Variants in KCNQ5 observed in about 807,000 individuals in gnomAD.
KCNQ5 encodes potassium voltage-gated channel subfamily Q member 5.
KCNQ5 carries 30 observed loss-of-function variants against 98.2 expected under a neutral mutation model. That is an observed-to-expected ratio of 0.31 (90% CI 0.23 to 0.41). The LOEUF (loss-of-function observed/expected upper bound fraction) is 0.41, where lower values mean the gene tolerates loss of function less well. Ranked by LOEUF, KCNQ5 falls within the 10% of genes least tolerant of loss-of-function variation. The pLI is 1.00. For missense variants in KCNQ5, 835 were observed against 1,182.5 expected (o/e 0.71, Z 4.31); for synonymous variants, 458 against 449.4 (o/e 1.02, Z -0.24).
intron 9 of KCNQ5, among the ~76,000 whole-genome samples, chr6:73,128,765 C>G (rs1776100682): frequency 6.6e-6 from 1 of 152,188 alleles, no homozygotes; most frequent in Non-Finnish European, 1.5e-5. Flanking sequence ...TCTGAGTAGA[C>G]TAAAGTTGCT....
chr6:73,046,765 C>A (rs1771983894), intron 3 of KCNQ5, among the ~76,000 whole-genome samples: 1 of 151,936 alleles, frequency 6.6e-6, no homozygotes, highest in Non-Finnish European at 1.5e-5. Flanking sequence ...GCCTCAGCCT[C>A]CCGAGTAGCT....
At chr6:73,083,652 CTT>C (rs1773868486) in intron 5 of KCNQ5, among the ~76,000 whole-genome samples, 1 of 152,168 alleles carries the variant, frequency 6.6e-6, no homozygotes, top group Admixed American at 6.5e-5. Context: ...ATATAAGTCT[CTT>C]TGTGATTATC....
intron 1 of KCNQ5, among the ~76,000 whole-genome samples, chr6:72,921,644 C>A (rs1023551226): frequency 6.6e-6 from 1 of 152,180 alleles, no homozygotes; most frequent in Non-Finnish European, 1.5e-5. Context: ...GAATCTACTT[C>A]ACCAGGTTAT....
chr6:72,900,111 C>T (rs1779426645), intron 1 of KCNQ5, among the ~76,000 whole-genome samples: 1 of 152,162 alleles, frequency 6.6e-6, no homozygotes. Flanking sequence ...GCTGGGATTA[C>T]AGGCGTCAGC....
At chr6:72,819,622 T>C (rs1029605245) in intron 1 of KCNQ5, among the ~76,000 whole-genome samples, 8 of 152,172 alleles carry the variant, frequency 5.3e-5, no homozygotes, top group African/African-American at 1.9e-4. Context: ...TGGGGTCCTA[T>C]AGATACATGC....
intron 1 of KCNQ5, among the ~76,000 whole-genome samples, chr6:72,900,577 AC>A (rs1415157288): frequency 6.7e-6 from 1 of 148,318 alleles, no homozygotes; most frequent in African/African-American, 2.5e-5. Flanking sequence ...GGTTGGTTCC[AC>A]AATTTTGCAG....
At chr6:72,697,524 CTG>C (rs968131553) in intron 1 of KCNQ5, among the ~76,000 whole-genome samples, 19 of 152,010 alleles carry the variant, frequency 1.2e-4, no homozygotes, top group African/African-American at 3.4e-4. Flanking sequence ...GTAAAACAAA[CTG>C]TAATCCAAGA....
At chr6:73,076,505 T>G (rs1267865573) in intron 3 of KCNQ5, among the ~76,000 whole-genome samples, 1 of 152,240 alleles carries the variant, frequency 6.6e-6, no homozygotes, top group Non-Finnish European at 1.5e-5. Flanking sequence ...TTTTATCTTT[T>G]CTATGCTTTC....
intron 1 of KCNQ5, among the ~76,000 whole-genome samples, chr6:72,868,783 G>A (rs1021998054): frequency 6.6e-6 from 1 of 152,190 alleles, no homozygotes; most frequent in African/African-American, 2.4e-5. Context: ...TCTGCGGAAG[G>A]TGAGGCAGCC....
intron 1 of KCNQ5, among the ~76,000 whole-genome samples, chr6:72,837,489 G>A (rs925579604): frequency 2.6e-5 from 4 of 152,148 alleles, no homozygotes; most frequent in Non-Finnish European, 5.9e-5. Flanking sequence ...GAATGTCAGA[G>A]AAACTTGTAA....
rs187146153 is a variant in KCNQ5 at position 73,198,598 on chromosome 6, T to C, written c.*3184T>C. 88 of 152,318 alleles carry C rather than the reference T, an allele frequency of 5.8e-4. No homozygotes were observed. Among genetic ancestry groups the C allele is most frequent in the African/African-American group, 2.0e-3 (84 of 41,560 alleles). 9.4% of individuals were successfully genotyped at this position (152,318 alleles called of 1,614,324 possible). Reference sequence around the variant, plus strand: ...GAAATATCATAAATATTAACTTGTCTCCCTAGAAGCTGAGATTTTTCGCCT... The same window carrying C: ...GAAATATCATAAATATTAACTTGTCCCCCTAGAAGCTGAGATTTTTCGCCT... On this transcript the variant is annotated 3_prime_UTR_variant, in exon 14 of 14. Coordinates refer to ENST00000370398, the MANE Select transcript of KCNQ5 (RefSeq NM_019842.4).
chr6:73,014,302 A>G (rs1231285880), intron 2 of KCNQ5, among the ~76,000 whole-genome samples: 1 of 152,152 alleles, frequency 6.6e-6, no homozygotes, highest in African/African-American at 2.4e-5. Context: ...AGAGAACTCC[A>G]TTTGATGAAA....
Position 72,909,885 on chromosome 6 carries a change from C to T in KCNQ5, c.399-94023C>T, listed in dbSNP as rs79991493. Among the ~76,000 whole-genome samples the T allele has an allele frequency of 3.5e-3, 538 of 152,242 alleles. 4 individuals carry two copies. Among genetic ancestry groups the T allele is most frequent in the East Asian group, 0.021 (107 of 5,186 alleles). On this transcript the variant is annotated intron_variant, in intron 1 of 13. Transcript: ENST00000370398. ...GAGATTAAAGATTTTGGACATCCTC[C>T]CAGCCAAAATTTAGACATCAACCCA...
In KCNQ5 at chr6:73,059,077, G is replaced by A. The variant is rs892676548; in HGVS notation, c.616+17015G>A. On this transcript the variant is annotated intron_variant, in intron 3 of 13. Transcript: ENST00000370398. ...CTCACTATTGGGTTTATTCTCAAAG[G>A]AATGTAACTCATTCTACCTTAAAGA... 5.3e-5 allele frequency among the ~76,000 whole-genome samples: 8 copies of A among 152,134 alleles called. No individual in the cohort carries two copies. In the East Asian group the frequency reaches 7.7e-4, roughly 15 times the overall value.
chr6:72,669,442 C>T (rs1582084616), intron 1 of KCNQ5, among the ~76,000 whole-genome samples: 1 of 152,136 alleles, frequency 6.6e-6, no homozygotes, highest in African/African-American at 2.4e-5. Flanking sequence ...ATTGACTTTC[C>T]AGGCCTGGGG....
rs117281452 is a variant in KCNQ5 at position 73,030,387 on chromosome 6, T to C, written c.490-11549T>C. 2.9e-3 allele frequency among the ~76,000 whole-genome samples: 439 copies of C among 152,308 alleles called. 9 individuals carry two copies. Among genetic ancestry groups the C allele is most frequent in the East Asian group, 0.024 (125 of 5,178 alleles). On this transcript the variant is annotated intron_variant, in intron 2 of 13. Transcript: ENST00000370398. Reference sequence around the variant, plus strand: ...TAACTGACTGAGTTTCAATATCAAGTTCTGAAAGCAAGTGAGCATACTAGT... The same window carrying C: ...TAACTGACTGAGTTTCAATATCAAGCTCTGAAAGCAAGTGAGCATACTAGT...
rs1227833385 is a variant in KCNQ5, at chr6:73,063,674, TA to T, written c.617-13647del. 3.3e-3 allele frequency among the ~76,000 whole-genome samples: 267 copies of T among 82,136 alleles called. 3 individuals carry two copies. Among genetic ancestry groups the T allele is most frequent in the African/African-American group, 9.6e-3 (258 of 26,874 alleles). The allele number at this position is 82,136 out of a possible 152,430, so 53.9% of individuals were successfully genotyped here. On this transcript the variant is annotated intron_variant, in intron 3 of 13. Coordinates refer to ENST00000370398, the MANE Select transcript of KCNQ5 (RefSeq NM_019842.4). ...AGATGATAGATAGATAGATGATAGATAGATAGATAGATGATAGATAGATAGA... is the reference window on the plus strand; with the variant it reads ...AGATGATAGATAGATAGATGATAGATGATAGATAGATGATAGATAGATAGA...
intron 2 of KCNQ5, among the ~76,000 whole-genome samples, chr6:73,008,674 A>G (rs1769925512): frequency 6.6e-6 from 1 of 152,226 alleles, no homozygotes; most frequent in African/African-American, 2.4e-5. Context: ...GTAGACTTCA[A>G]TACCCTACTC....
chr6:72,884,243 G>GT (rs767009742), intron 1 of KCNQ5, among the ~76,000 whole-genome samples: 1 of 152,074 alleles, frequency 6.6e-6, no homozygotes, highest in Non-Finnish European at 1.5e-5. Flanking sequence ...ACAAATCCTG[G>GT]TAAAAACTAC....
Sources: gnomAD v4.1 joint callset for allele counts (sites outside exome capture counted in the v4.1 genomes callset) on GRCh38, gnomAD v4.1.1 for gene constraint, MANE v1.5 for transcripts, NCBI Gene and HGNC (gene_info 2026-07-23, HGNC 2026-07-21) for gene names.